The following SOX6 variants were observed in gnomAD, a reference collection of about 807,000 sequenced individuals.
SOX6 encodes SRY-box transcription factor 6, also known as transcription factor SOX-6.
In SOX6, 11 loss-of-function variants were observed where a neutral mutation model predicts 97.8. The observed-to-expected ratio is 0.11, with a 90% CI of 0.07 to 0.19. The LOEUF (loss-of-function observed/expected upper bound fraction) is 0.19, where lower values mean the gene tolerates loss of function less well. Among genes scored for constraint, SOX6 ranks in the 10% least tolerant of loss-of-function variants. The pLI is 1.00. For missense variants in SOX6, 810 were observed against 1,039.5 expected (o/e 0.78, Z 3.04); for synonymous variants, 360 against 371.4 (o/e 0.97, Z 0.35).
chr11:15,972,856 C>T lies in SOX6; in HGVS notation c.2440G>A (p.Asp814Asn). 6.2e-7 allele frequency: 1 copy of T among 1,614,236 alleles called. No homozygotes were observed. Residue 814 changes from aspartate to asparagine, a missense_variant, in exon 16 of 16, where the codon GAC (aspartate) becomes AAC (asparagine). This residue lies in a region of SOX6 where 122 missense variants were observed against 153.4 expected (regional missense o/e 0.80). Coordinates refer to ENST00000683767, the MANE Select transcript of SOX6 (RefSeq NM_001367873.1). ...YDDYEDDPKS[D>N]YSSENEAPEA... The stretch of plus-strand genomic sequence containing the variant: ...GGGGCTTCATTTTCACTGCTATAGT[C>T]TGATTTGGGGTCATCTTCATAGTCA...
chr11:16,551,615 T>TA (rs945712349), intron 4 of SOX6, among the ~76,000 whole-genome samples: 9 of 151,960 alleles, frequency 5.9e-5, no homozygotes, highest in Non-Finnish European at 1.3e-4. Flanking sequence ...AATATATATA[T>TA]TTTTTTGAGA....
intron 2 of SOX6, among the ~76,000 whole-genome samples, chr11:16,340,669 C>T (rs1225321790): frequency 2.0e-5 from 3 of 152,048 alleles, no homozygotes; most frequent in Non-Finnish European, 4.4e-5. Flanking sequence ...AATATTAATA[C>T]ATAAGCATAC....
At chr11:16,234,423 G>T (rs1416852764) in intron 4 of SOX6, among the ~76,000 whole-genome samples, 159 bp downstream of exon 4, 1 of 152,000 alleles carries the variant, frequency 6.6e-6, no homozygotes, top group Non-Finnish European at 1.5e-5. Context: ...ACATTGCAAG[G>T]AATAAAAGCT....
chr11:16,073,533 T>C (rs1848273423), intron 9 of SOX6, among the ~76,000 whole-genome samples: 1 of 152,094 alleles, frequency 6.6e-6, no homozygotes, highest in Non-Finnish European at 1.5e-5. Flanking sequence ...AGACAGCTCA[T>C]CGAGCCAGAA....
intron 1 of SOX6, among the ~76,000 whole-genome samples, chr11:16,366,759 T>C (rs1857369350): frequency 7.2e-6 from 1 of 139,604 alleles, no homozygotes; most frequent in Non-Finnish European, 1.6e-5. Context: ...TTTGCAAATT[T>C]TCTATCTGGT....
At chr11:16,314,623 C>T (rs1179380417) in intron 3 of SOX6, 1 of 152,120 alleles carries the variant, frequency 6.6e-6, no homozygotes, top group African/African-American at 2.4e-5. Context: ...AGATAGAATT[C>T]AAGGGGTCTG....
intron 4 of SOX6, among the ~76,000 whole-genome samples, chr11:16,201,637 T>A (rs940143579): frequency 2.3e-5 from 3 of 132,956 alleles, no homozygotes; most frequent in Admixed American, 7.7e-5. Context: ...TTTTTTTTTC[T>A]TTTTTTTTTT....
At chr11:16,704,419 T>TA (rs993992153) in intron 3 of SOX6, among the ~76,000 whole-genome samples, 51 of 149,824 alleles carry the variant, frequency 3.4e-4, no homozygotes, top group Middle Eastern at 6.8e-3. Flanking sequence ...AGGCTCTTAT[T>TA]AAAAAAAAAA....
At chr11:15,976,609 C>T (rs988087033) in intron 15 of SOX6, among the ~76,000 whole-genome samples, 3 of 151,974 alleles carry the variant, frequency 2.0e-5, no homozygotes, top group Non-Finnish European at 4.4e-5. Context: ...TTGGAATTGG[C>T]GGTTAATTGT....
At chr11:16,055,445 A>G (rs1290897145) in intron 10 of SOX6, among the ~76,000 whole-genome samples, 1 of 152,156 alleles carries the variant, frequency 6.6e-6, no homozygotes, top group Non-Finnish European at 1.5e-5. Flanking sequence ...CATGACAAAG[A>G]CTGGCAATAA....
At chr11:16,435,360 G>GT (rs1276220626) in intron 1 of SOX6, among the ~76,000 whole-genome samples, 2 of 152,136 alleles carry the variant, frequency 1.3e-5, no homozygotes, top group East Asian at 3.9e-4. Context: ...TCTTTAAATT[G>GT]TCTTCACATA....
chr11:16,187,085 T>C lies in SOX6; in HGVS notation c.536-130A>G, dbSNP rs1851499599. On this transcript the variant is annotated intron_variant, in intron 4 of 15. Transcript: ENST00000683767. ...ATCTGGGACAATGACTGGAGGCCAT[T>C]GAGGGTACAGGAACACCAGAGAGTA... 35 of 974,444 alleles carry C rather than the reference T, an allele frequency of 3.6e-5. No individual in the cohort carries two copies. In the South Asian group the frequency reaches 4.5e-4, roughly 13 times the overall value. The allele number at this position is 974,444 out of a possible 1,614,324, so 60.4% of individuals were successfully genotyped here.
chr11:16,299,627 C>T (rs1023071508), intron 3 of SOX6, among the ~76,000 whole-genome samples: 20 of 151,972 alleles, frequency 1.3e-4, no homozygotes, highest in African/African-American at 4.8e-4. Flanking sequence ...TAGTCAACTA[C>T]GATAGGTAAG....
chr11:15,986,566 C>A (rs1853847452), intron 14 of SOX6, 146 bp from the exon 15 acceptor site: 1 of 732,046 alleles, frequency 1.4e-6, no homozygotes, highest in East Asian at 2.7e-5. Context: ...CCCAACTATA[C>A]TTTTAGTCTA....
At chr11:16,046,401 A>G in intron 12 of SOX6, 113 bp downstream of exon 12, 1 of 1,146,880 alleles carries the variant, frequency 8.7e-7, no homozygotes, top group Non-Finnish European at 1.3e-6. Flanking sequence ...ACAGCCCTCA[A>G]GCTGGAAGCC....
At chr11:16,005,011 TA>T (rs1854506599) in intron 13 of SOX6, among the ~76,000 whole-genome samples, 1 of 152,040 alleles carries the variant, frequency 6.6e-6, no homozygotes, top group Non-Finnish European at 1.5e-5. Context: ...CACTAAGCAG[TA>T]GTTCATTTTA....
intron 4 of SOX6, chr11:16,484,452 A>C: frequency 1.2e-6 from 1 of 802,140 alleles, no homozygotes; most frequent in Non-Finnish European, 2.3e-6. Flanking sequence ...CTGACAATGA[A>C]GAGCTCCTCG....
At chr11:16,678,311 T>C (rs980680581) in intron 3 of SOX6, among the ~76,000 whole-genome samples, 1 of 152,228 alleles carries the variant, frequency 6.6e-6, no homozygotes, top group Non-Finnish European at 1.5e-5. Context: ...TAGGGACTAA[T>C]TGAACAGCAT....
Position 16,515,029 on chromosome 11 carries a change from C to G in SOX6, n.610-38641G>C, listed in dbSNP as rs529266626. On this transcript the variant is annotated intron_variant and non_coding_transcript_variant, in intron 4 of 5. Coordinates refer to the SOX6 transcript ENST00000524520. Reference sequence around the variant, plus strand: ...CATACGTGTGCATGTGTCTTTATAGCAGCATGATTTATAGTCCTTTGGGTA... The same window carrying G: ...CATACGTGTGCATGTGTCTTTATAGGAGCATGATTTATAGTCCTTTGGGTA... Among the ~76,000 whole-genome samples the G allele has an allele frequency of 1.8e-3, 277 of 151,764 alleles. 1 individual carries two copies. Among genetic ancestry groups the G allele is most frequent in the African/African-American group, 6.3e-3 (262 of 41,318 alleles).
Sources: allele counts gnomAD v4.1 joint callset (sites outside exome capture counted in the v4.1 genomes callset), GRCh38; gene constraint gnomAD v4.1.1; regional missense constraint gnomAD v4.1.1; transcripts MANE v1.5; gene names NCBI Gene and HGNC (gene_info 2026-07-23, HGNC 2026-07-21).